RC3H1: variants seen among roughly 807,000 people sequenced by gnomAD.
RC3H1 encodes the protein ring finger and CCCH-type domains 1, also known as roquin-1.
RC3H1 carries 50 observed loss-of-function variants against 138.2 expected under a neutral mutation model. The ratio of observed to expected loss-of-function variants is 0.36; its 90% CI spans 0.29 to 0.46. The LOEUF is 0.46. Among genes scored for constraint, RC3H1 ranks in the 20% least tolerant of loss-of-function variants. The probability of loss-of-function intolerance (pLI) is 1.00; values close to 1 mark genes in which losing one functional copy is unlikely to be tolerated. For synonymous variants in RC3H1, 462 were observed against 489.1 expected (o/e 0.94, Z 0.73); for missense variants, 1,031 against 1,388.1 (o/e 0.74, Z 4.09).
At chr1:173,995,216 T>C (rs989494004) in intron 1 of RC3H1, among the ~76,000 whole-genome samples, 2 of 152,164 alleles carry the variant, frequency 1.3e-5, no homozygotes, top group South Asian at 4.1e-4. Context: ...AGCATAACCA[T>C]AGATTCTGAG....
chr1:174,012,543 G>A (rs1224712857), intron 1 of RC3H1, among the ~76,000 whole-genome samples: 8 of 152,106 alleles, frequency 5.3e-5, no homozygotes, highest in African/African-American at 1.4e-4. Context: ...CAGCACTTTG[G>A]GAGGCCGGGG....
intron 7 of RC3H1, among the ~76,000 whole-genome samples, chr1:173,976,217 A>T (rs1192817139): frequency 6.6e-6 from 1 of 152,042 alleles, no homozygotes; most frequent in Non-Finnish European, 1.5e-5. Flanking sequence ...CAGGCGGGTC[A>T]CCTGAGTTCA....
chr1:173,942,428 C>CAAAAAAAAAAAAAAAAAAAAAAAAA (rs60694243), intron 18 of RC3H1, among the ~76,000 whole-genome samples: 9 of 38,080 alleles, frequency 2.4e-4, no homozygotes, highest in African/African-American at 1.3e-3. Context: ...GACTCAGTCT[C>CAAAAAAAAAAAAAAAAAAAAAAAAA]AAAAAAAAAA....
At chr1:173,999,643 G>A (rs750279270) in intron 1 of RC3H1, among the ~76,000 whole-genome samples, 6 of 152,200 alleles carry the variant, frequency 3.9e-5, no homozygotes, top group Admixed American at 2.0e-4. Flanking sequence ...CTGGAAAGAC[G>A]TAGAACAGCT....
chr1:173,936,585 A>C lies in RC3H1; in HGVS notation c.*2136T>G, dbSNP rs1442087081. ...GTTGCCTTTTACTGTTATGCAGAGAAATGAAAAATCTTGGGACTCTGTCAG... is the reference window on the plus strand; with the variant it reads ...GTTGCCTTTTACTGTTATGCAGAGACATGAAAAATCTTGGGACTCTGTCAG... On this transcript the variant is annotated 3_prime_UTR_variant, in exon 20 of 20. Coordinates refer to ENST00000367696, the MANE Select transcript of RC3H1 (RefSeq NM_172071.4). 6.7e-6 allele frequency: 1 copy of C among 149,430 alleles called. No homozygotes were observed. Among genetic ancestry groups the C allele is most frequent in the Non-Finnish European group, 1.5e-5 (1 of 67,372 alleles). 9.3% of individuals were successfully genotyped at this position (149,430 alleles called of 1,614,324 possible). A position where few individuals can be genotyped will look rare whatever the true frequency, so the allele number is the denominator to read the frequency against.
At position 174,022,140 on chromosome 1, in the gene RC3H1, G is replaced by GGCCGTCGCCACCGCCGCGGCA. The variant is rs1225025161; in HGVS notation, c.-216_-196dup. 1 of 396,362 alleles carries GGCCGTCGCCACCGCCGCGGCA rather than the reference G, an allele frequency of 2.5e-6. No homozygotes were observed. The highest frequency in any genetic ancestry group is 2.1e-5 in the African/African-American group (1 of 48,326). 24.6% of individuals were successfully genotyped at this position (396,362 alleles called of 1,614,324 possible). A position where few individuals can be genotyped will look rare whatever the true frequency, so the allele number is the denominator to read the frequency against. The stretch of plus-strand genomic sequence containing the variant: ...GCTCCTCTCAGCTCCGAGTCCCCGC[G>GGCCGTCGCCACCGCCGCGGCA]GCCGTCGCCACCGCCGCGGCAGCCG... On this transcript the variant is annotated 5_prime_UTR_variant, in exon 1 of 20. Coordinates refer to ENST00000367696, the MANE Select transcript of RC3H1 (RefSeq NM_172071.4). This position sits in a 1 kb window ranked among gnomAD's most constrained non-coding sequence, Gnocchi z 4.2.
At chr1:173,955,243 AAG>A (rs1171260137) in intron 13 of RC3H1, among the ~76,000 whole-genome samples, 5 of 141,502 alleles carry the variant, frequency 3.5e-5, no homozygotes, top group Non-Finnish European at 7.5e-5. Context: ...AAAAAAAAAA[AAG>A]AGAAACCACA....
intron 6 of RC3H1, among the ~76,000 whole-genome samples, chr1:173,978,909 T>C (rs577696068): frequency 6.6e-6 from 1 of 152,334 alleles, no homozygotes; most frequent in East Asian, 1.9e-4. Flanking sequence ...GAGTCTTCTT[T>C]GTGAATTGTT....
At chr1:173,959,456 T>C (rs1379579978) in intron 13 of RC3H1, among the ~76,000 whole-genome samples, 1 of 152,218 alleles carries the variant, frequency 6.6e-6, no homozygotes, top group Non-Finnish European at 1.5e-5. Context: ...ATCATGTTCA[T>C]AGAGACTTGA....
At chr1:173,986,408 G>A (rs772262218) in intron 2 of RC3H1, among the ~76,000 whole-genome samples, 3 of 152,136 alleles carry the variant, frequency 2.0e-5, no homozygotes, top group Non-Finnish European at 4.4e-5. Context: ...CTGGAGTGCC[G>A]TGGCAGCATC....
chr1:173,974,891 T>C (rs1242871471), intron 7 of RC3H1, among the ~76,000 whole-genome samples: 1 of 152,084 alleles, frequency 6.6e-6, no homozygotes, highest in East Asian at 1.9e-4. Flanking sequence ...GCAGTGAAGG[T>C]AAATGGATTC....
rs1192935974 is a variant in RC3H1 at position 173,961,161 on chromosome 1, C to T, written c.2286G>A (p.Met762Ile). 1.2e-6 allele frequency: 2 copies of T among 1,613,774 alleles called. No homozygotes were observed. Among genetic ancestry groups the T allele is most frequent in the Admixed American group, 1.7e-5 (1 of 59,956 alleles). ...DELHRRRKEI[M>I]AQLEERKVIS... ...TAACCTTTCTTTCCTCTAGCTGGGCCATTATTTCCTTTCGTCGGCGATGTA... is the reference window on the plus strand; with the variant it reads ...TAACCTTTCTTTCCTCTAGCTGGGCTATTATTTCCTTTCGTCGGCGATGTA... The change falls in exon 13 of 20, where the codon ATG (methionine) becomes ATA (isoleucine). Residue 762 changes from methionine to isoleucine, a missense_variant. Coordinates refer to ENST00000367696, the MANE Select transcript of RC3H1 (RefSeq NM_172071.4).
intron 9 of RC3H1, among the ~76,000 whole-genome samples, chr1:173,970,160 C>T (rs1660293771): frequency 6.6e-6 from 1 of 151,924 alleles, no homozygotes; most frequent in South Asian, 2.1e-4. Context: ...GGGATAAGAC[C>T]CAAATATATA....
chr1:173,987,829 T>C (rs980164849), intron 2 of RC3H1, among the ~76,000 whole-genome samples: 1 of 152,180 alleles, frequency 6.6e-6, no homozygotes, highest in Non-Finnish European at 1.5e-5. Context: ...AATGAGTTCA[T>C]ACTGATGCCT....
At position 173,962,102 on chromosome 1, in the gene RC3H1, A is replaced by G; in HGVS notation, c.1832-7T>C. The G allele has an allele frequency of 1.3e-6, 2 of 1,578,432 alleles. No individual in the cohort carries two copies. Among genetic ancestry groups the G allele is most frequent in the South Asian group, 2.3e-5 (2 of 87,578 alleles). Reference sequence around the variant, plus strand: ...GGTGGAGTATAATACATACCTGCACAATACAAAAGAGGACCCAAAAGCAAA... The same window carrying G: ...GGTGGAGTATAATACATACCTGCACGATACAAAAGAGGACCCAAAAGCAAA... On this transcript the variant is annotated splice_polypyrimidine_tract_variant and splice_region_variant and intron_variant, in intron 11 of 19. Transcript: ENST00000367696.
At chr1:173,983,122 A>G in intron 4 of RC3H1, 1 of 479,730 alleles carries the variant, frequency 2.1e-6, no homozygotes, top group Middle Eastern at 5.5e-4. Flanking sequence ...AATAAATTTA[A>G]GAAAAACTTC....
intron 5 of RC3H1, among the ~76,000 whole-genome samples, 177 bp from the exon 6 acceptor site, chr1:173,981,186 CA>C (rs1660801043): frequency 6.6e-6 from 1 of 152,176 alleles, no homozygotes; most frequent in African/African-American, 2.4e-5. Flanking sequence ...GCTATCATCC[CA>C]TTCTGAGTCA....
intron 11 of RC3H1, among the ~76,000 whole-genome samples, chr1:173,963,705 A>G (rs1659975672): frequency 6.6e-6 from 1 of 152,178 alleles, no homozygotes; most frequent in African/African-American, 2.4e-5. Context: ...CTACTTGTGT[A>G]ACTTGTTATT....
chr1:173,999,806 TA>T (rs1424458805), intron 1 of RC3H1, among the ~76,000 whole-genome samples: 1 of 152,224 alleles, frequency 6.6e-6, no homozygotes, highest in Non-Finnish European at 1.5e-5. Context: ...CTATATACAG[TA>T]TCTAATTAAT....
Sources: gnomAD v4.1 joint callset for allele counts (sites outside exome capture counted in the v4.1 genomes callset) on GRCh38, gnomAD v4.1.1 for gene constraint, Gnocchi (gnomAD v3.1) non-coding constraint, MANE v1.5 for transcripts, NCBI Gene and HGNC (gene_info 2026-07-23, HGNC 2026-07-21) for gene names.